CSE1L: variants seen among roughly 807,000 people sequenced by gnomAD.
CSE1L encodes chromosome segregation 1 like.
Under a neutral mutation model 120.4 loss-of-function variants are expected in CSE1L, and 24 were observed. The observed-to-expected ratio is 0.20, with a 90% CI of 0.14 to 0.28. The LOEUF (loss-of-function observed/expected upper bound fraction) is 0.28, where lower values mean the gene tolerates loss of function less well. Among genes scored for constraint, CSE1L ranks in the 10% least tolerant of loss-of-function variants. The pLI, the probability that CSE1L is intolerant of heterozygous loss-of-function variation, is 1.00. For missense variants in CSE1L, 830 were observed against 1,145.2 expected, an observed-to-expected ratio of 0.72 and a Z score of 3.97; for synonymous variants, 402 against 398.3, an observed-to-expected ratio of 1.01 and a Z score of -0.11.
At chr20:49,083,872 A>C (rs2092032681) in intron 14 of CSE1L, among the ~76,000 whole-genome samples, 154 bp from the exon 15 acceptor site, 1 of 152,192 alleles carries the variant, frequency 6.6e-6, no homozygotes, top group African/African-American at 2.4e-5. Context: ...GTGCAAGTGA[A>C]AGTTTTGGTT....
At chr20:49,065,586 ATTTTTTTTTTTTTT>A (rs1169151375) in intron 3 of CSE1L, among the ~76,000 whole-genome samples, 2 of 76,322 alleles carry the variant, frequency 2.6e-5, no homozygotes, top group African/African-American at 5.6e-5. Flanking sequence ...TAAAATGGAA[ATTTTTTTTTTTTTT>A]TTTTTTTTTT....
At position 49,092,017 on chromosome 20, in the gene CSE1L, T is replaced by C. The variant is rs768148012; in HGVS notation, c.2366-29T>C. The C allele has an allele frequency of 3.2e-6, 4 of 1,250,568 alleles. No individual in the cohort carries two copies. In the South Asian group the frequency reaches 5.1e-5, roughly 16 times the overall value. The allele number at this position is 1,250,568 out of a possible 1,614,324, so 77.5% of individuals were successfully genotyped here. A position where few individuals can be genotyped will look rare whatever the true frequency, so the allele number is the denominator to read the frequency against. On this transcript the variant is annotated intron_variant, in intron 21 of 24. Transcript: ENST00000262982. ...ACCAGTTTAGTGCGTGAGTTCTCTATGCTGATATTCTGCATCTTCTTTCAA... is the reference window on the plus strand; with the variant it reads ...ACCAGTTTAGTGCGTGAGTTCTCTACGCTGATATTCTGCATCTTCTTTCAA...
chr20:49,087,095 T>C (rs1221037887), intron 16 of CSE1L, among the ~76,000 whole-genome samples: 1 of 152,232 alleles, frequency 6.6e-6, no homozygotes, highest in Non-Finnish European at 1.5e-5. Flanking sequence ...AAAGAGAGCT[T>C]TTATACATTT....
intron 3 of CSE1L, 117 bp downstream of exon 3, chr20:49,063,461 C>T (rs1000092651): frequency 7.5e-6 from 4 of 531,476 alleles, no homozygotes; most frequent in South Asian, 4.0e-5. Context: ...GAGGCTGAGG[C>T]GGAAGGATCA....
At chr20:49,065,265 G>T (rs2123688737) in intron 3 of CSE1L, among the ~76,000 whole-genome samples, 1 of 142,162 alleles carries the variant, frequency 7.0e-6, no homozygotes, top group East Asian at 2.1e-4. Context: ...TATCTGTAAA[G>T]ATTTTAATTA....
chr20:49,071,243 T>G (rs2091929287), intron 8 of CSE1L, among the ~76,000 whole-genome samples: 1 of 152,202 alleles, frequency 6.6e-6, no homozygotes, highest in Admixed American at 6.5e-5. Context: ...GTCTCAGAGT[T>G]TGACTATATT....
chr20:49,074,012 A>T (rs58133403), intron 10 of CSE1L, among the ~76,000 whole-genome samples: 3 of 151,930 alleles, frequency 2.0e-5, no homozygotes, highest in Non-Finnish European at 4.4e-5. Flanking sequence ...CCCAGGAGTT[A>T]AAGACCAGCC....
Position 49,075,523 on chromosome 20 carries a change from A to G in CSE1L, c.1335+3A>G, listed in dbSNP as rs1252712743. 3 of 1,612,652 alleles carry G rather than the reference A, an allele frequency of 1.9e-6. No homozygotes were observed. The South Asian group carries it at 3.3e-5, about 18-fold the overall frequency. ...CATCAAAAGCCCAAACACAGAAGGT[A>G]AATATTTTTAATGTGGTTTTGTTTC... On this transcript the variant is annotated splice_donor_region_variant and intron_variant, in intron 12 of 24. Coordinates refer to ENST00000262982, the MANE Select transcript of CSE1L (RefSeq NM_001316.4).
intron 14 of CSE1L, among the ~76,000 whole-genome samples, chr20:49,082,647 T>A (rs745820511): frequency 2.4e-4 from 36 of 151,898 alleles, no homozygotes; most frequent in Non-Finnish European, 4.4e-4. Context: ...AGCCTCGCGA[T>A]AGCTGGGACT....
chr20:49,058,458 A>G lies in CSE1L; in HGVS notation c.-6A>G. 3 of 1,607,242 alleles carry G rather than the reference A, an allele frequency of 1.9e-6. No homozygotes were observed. The South Asian group carries it at 3.3e-5, about 18-fold the overall frequency. ...AACCTTATTTTATATTTTAGATCCT[A>G]TAGCAATGGAACTCAGCGATGCAAA... is the stretch of plus-strand genomic sequence containing the variant. On this transcript the variant is annotated 5_prime_UTR_variant, in exon 2 of 25. Transcript: ENST00000262982.
At chr20:49,049,252 C>T (rs942741832) in intron 1 of CSE1L, among the ~76,000 whole-genome samples, 4 of 149,872 alleles carry the variant, frequency 2.7e-5, no homozygotes, top group African/African-American at 1.0e-4. Context: ...GAGACACCAT[C>T]TCACTGTGTT....
chr20:49,072,224 C>A, intron 8 of CSE1L, 62 bp from the exon 9 acceptor site: 1 of 1,544,806 alleles, frequency 6.5e-7, no homozygotes, highest in Non-Finnish European at 8.8e-7. Context: ...ATTTCAGTTA[C>A]TCCTCTTACT....
chr20:49,055,850 T>G (rs1324189649), intron 1 of CSE1L, among the ~76,000 whole-genome samples: 1 of 152,224 alleles, frequency 6.6e-6, no homozygotes, highest in Non-Finnish European at 1.5e-5. Flanking sequence ...TGTTCTACAT[T>G]TTGGAGTGTG....
intron 7 of CSE1L, among the ~76,000 whole-genome samples, chr20:49,069,030 T>C (rs987295946): frequency 5.9e-5 from 9 of 152,188 alleles, no homozygotes; most frequent in African/African-American, 2.2e-4. Context: ...TATTCTCTTA[T>C]ATCTAGTAGG....
chr20:49,096,284 A>C (rs768854620), intron 24 of CSE1L, 65 bp from the exon 25 acceptor site: 31 of 1,264,642 alleles, frequency 2.5e-5, no homozygotes, highest in Non-Finnish European at 3.6e-5. Flanking sequence ...CTCCCGTAGA[A>C]GATGGGGTTT....
At chr20:49,049,149 C>G (rs1405110624) in intron 1 of CSE1L, among the ~76,000 whole-genome samples, 3 of 152,024 alleles carry the variant, frequency 2.0e-5, no homozygotes, top group Non-Finnish European at 4.4e-5. Flanking sequence ...GTAGAGATTT[C>G]CAAAGATAGT....
chr20:49,056,585 A>C (rs561510267), intron 1 of CSE1L, among the ~76,000 whole-genome samples: 5 of 151,332 alleles, frequency 3.3e-5, no homozygotes, highest in Middle Eastern at 6.8e-3. Context: ...CGTCTCACCA[A>C]CAAGTTGGAG....
At position 49,090,828 on chromosome 20, in the gene CSE1L, G is replaced by A. The variant is rs759049407; in HGVS notation, c.2268G>A (p.Glu756=). ...TTTATCTTCTAAACAGTATAATAGAGCACATGCCTCCGTGAGTATGACTAG... is the reference window on the plus strand; with the variant it reads ...TTTATCTTCTAAACAGTATAATAGAACACATGCCTCCGTGAGTATGACTAG... ...QGFYLLNSII[E]HMPPESVDQY... The change falls in exon 20 of 25, where the codon GAG becomes GAA. Residue 756 remains glutamate, a synonymous_variant. Coordinates refer to ENST00000262982, the MANE Select transcript of CSE1L (RefSeq NM_001316.4). 2 of 1,613,176 alleles carry A rather than the reference G, an allele frequency of 1.2e-6. No individual in the cohort carries two copies. Among genetic ancestry groups the A allele is most frequent in the Non-Finnish European group, 1.7e-6 (2 of 1,179,544 alleles).
At chr20:49,066,764 C>T (rs779693184) in intron 5 of CSE1L, among the ~76,000 whole-genome samples, 7 of 152,076 alleles carry the variant, frequency 4.6e-5, no homozygotes, top group South Asian at 2.1e-4. Flanking sequence ...CATGATGGCT[C>T]ACACCTATAA....
Sources: gnomAD v4.1 joint callset for allele counts (sites outside exome capture counted in the v4.1 genomes callset) on GRCh38, gnomAD v4.1.1 for gene constraint, MANE v1.5 for transcripts, NCBI Gene and HGNC (gene_info 2026-07-23, HGNC 2026-07-21) for gene names.